CUX2: variants seen among roughly 807,000 people sequenced by gnomAD.
The protein encoded by CUX2 is homeobox protein cut-like 2.
Under a neutral mutation model 144.8 loss-of-function variants are expected in CUX2, and 40 were observed. The observed-to-expected ratio is 0.28, with a 90% CI of 0.21 to 0.36. CUX2 has a LOEUF of 0.36. CUX2 is among the 10% of genes least tolerant of loss of function. CUX2 has a pLI of 1.00. For synonymous variants in CUX2, 827 were observed against 875.6 expected, an observed-to-expected ratio of 0.94 and a Z score of 0.98; for missense variants, 1,615 against 1,994.0, an observed-to-expected ratio of 0.81 and a Z score of 3.62.
At chr12:111,187,334 A>C (rs1879608974) in intron 1 of CUX2, among the ~76,000 whole-genome samples, 2 of 151,148 alleles carry the variant, frequency 1.3e-5, no homozygotes, top group African/African-American at 4.9e-5. Flanking sequence ...CTCATAACGG[A>C]CTCTTGCCCA....
intron 1 of CUX2, among the ~76,000 whole-genome samples, chr12:111,099,184 G>A (rs770707621): frequency 6.6e-6 from 1 of 152,230 alleles, no homozygotes; most frequent in Non-Finnish European, 1.5e-5. Flanking sequence ...CCTGAAGGGC[G>A]ACCAGGTCCT....
intron 1 of CUX2, among the ~76,000 whole-genome samples, chr12:111,060,773 G>T (rs1471797284): frequency 1.3e-5 from 2 of 152,224 alleles, no homozygotes; most frequent in Non-Finnish European, 2.9e-5. Flanking sequence ...CAGCCTCTGG[G>T]AAGTGAGGAC....
rs1447819315 is a variant in CUX2 at position 111,310,457 on chromosome 12, G to A, written c.1675G>A (p.Ala559Thr). The A allele has an allele frequency of 5.6e-6, 9 of 1,613,388 alleles. No individual in the cohort carries two copies. Among genetic ancestry groups the A allele is most frequent in the Non-Finnish European group, 5.9e-6 (7 of 1,179,990 alleles). Reference sequence around the variant, plus strand: ...GGAGCAGCTGGACACGGCAGAGATCGCCTTCCAGGTGAAGGAGCAGCTGCT... The same window carrying A: ...GGAGCAGCTGGACACGGCAGAGATCACCTTCCAGGTGAAGGAGCAGCTGCT... ...EEEQLDTAEI[A>T]FQVKEQLLKH... The change falls in exon 15 of 22, where the codon GCC becomes ACC. Residue 559 changes from alanine (A) to threonine (T), a missense_variant. By Grantham distance (58) the Ala-to-Thr change is moderately conservative. This residue lies in a region of CUX2 where 71 missense variants were observed against 142.3 expected (regional missense o/e 0.50). Transcript: ENST00000261726. This position sits in a 1 kb window ranked among gnomAD's most constrained non-coding sequence, Gnocchi z 7.9.
chr12:111,147,991 C>A (rs2136132099), intron 1 of CUX2, among the ~76,000 whole-genome samples: 1 of 152,272 alleles, frequency 6.6e-6, no homozygotes, highest in African/African-American at 2.4e-5. Context: ...ATGACAATTT[C>A]TTAAAAACTT....
chr12:111,290,761 G>A (rs1885629625), intron 4 of CUX2, among the ~76,000 whole-genome samples: 1 of 151,804 alleles, frequency 6.6e-6, no homozygotes, highest in South Asian at 2.1e-4. Context: ...ATGAGATCTT[G>A]CCATGCTGCA....
At chr12:111,324,543 C>G (rs959506342) in intron 18 of CUX2, among the ~76,000 whole-genome samples, 1 of 151,716 alleles carries the variant, frequency 6.6e-6, no homozygotes, top group Non-Finnish European at 1.5e-5. Context: ...CTCTGTTGCC[C>G]AGGCTGGAGT....
At chr12:111,087,487 A>G (rs1189939451) in intron 1 of CUX2, among the ~76,000 whole-genome samples, 2 of 152,144 alleles carry the variant, frequency 1.3e-5, no homozygotes, top group East Asian at 1.9e-4. Flanking sequence ...TGCATGTTTT[A>G]CTAGCAGGTA....
At chr12:111,309,331 C>A (rs898285466) in intron 14 of CUX2, among the ~76,000 whole-genome samples, 1 of 152,178 alleles carries the variant, frequency 6.6e-6, no homozygotes, top group Admixed American at 6.5e-5. Flanking sequence ...TGAGTCAGCT[C>A]CAGGGTGGGT....
intron 1 of CUX2, among the ~76,000 whole-genome samples, chr12:111,133,381 T>C (rs112488276): frequency 0.095 from 14,453 of 152,192 alleles, 2,365 homozygotes; most frequent in African/African-American, 0.33. Flanking sequence ...TACAGTTCCA[T>C]ATGGCTGAGG....
chr12:111,173,359 CA>C (rs1222415716), intron 1 of CUX2, among the ~76,000 whole-genome samples: 1 of 152,232 alleles, frequency 6.6e-6, no homozygotes, highest in East Asian at 1.9e-4. Context: ...AATAGGATGC[CA>C]GGGGGCACTT....
chr12:111,276,237 T>C (rs1884867055), intron 4 of CUX2, among the ~76,000 whole-genome samples: 1 of 151,998 alleles, frequency 6.6e-6, no homozygotes, highest in Non-Finnish European at 1.5e-5. Flanking sequence ...CCTGTAGTCC[T>C]AGCTACTTGG....
rs1869333058 is a variant in CUX2, at chr12:111,034,728, G to A, written c.63+488G>A. 6.6e-6 allele frequency among the ~76,000 whole-genome samples: 1 copy of A among 150,490 alleles called. No individual in the cohort carries two copies. Among genetic ancestry groups the A allele is most frequent in the Non-Finnish European group, 1.5e-5 (1 of 67,272 alleles). Reference sequence around the variant, plus strand: ...TGGCGGGCAGGGAGGAGGAGGAGGAGAGGAGGAGGAGGAGGAGAGAGGAGG... The same window carrying A: ...TGGCGGGCAGGGAGGAGGAGGAGGAAAGGAGGAGGAGGAGGAGAGAGGAGG... On this transcript the variant is annotated intron_variant, in intron 1 of 21. Coordinates refer to ENST00000261726, the MANE Select transcript of CUX2 (RefSeq NM_015267.4). The surrounding 1 kb of genome is among the most constrained non-coding windows in gnomAD (Gnocchi z 4.2).
intron 1 of CUX2, among the ~76,000 whole-genome samples, chr12:111,193,571 T>C (rs895331498): frequency 1.3e-5 from 2 of 152,216 alleles, no homozygotes; most frequent in Non-Finnish European, 2.9e-5. Context: ...GCTATTGTAA[T>C]TGTAACGCCG....
At chr12:111,145,915 C>T (rs1326449348) in intron 1 of CUX2, among the ~76,000 whole-genome samples, 1 of 151,884 alleles carries the variant, frequency 6.6e-6, no homozygotes, top group Non-Finnish European at 1.5e-5. Flanking sequence ...CCATATTGGC[C>T]AGGCTGGTCT....
rs750211596 is a variant in CUX2 at position 111,061,991 on chromosome 12, T to C, written c.63+27751T>C. On this transcript the variant is annotated intron_variant, in intron 1 of 21. Transcript: ENST00000261726. This position sits in a 1 kb window ranked among gnomAD's most constrained non-coding sequence, Gnocchi z 4.2. Reference sequence around the variant, plus strand: ...GAAATAGGTCGCCTCGCAGCCTCACTCACAGGGAGTGTCGGCAGGGTTAGA... The same window carrying C: ...GAAATAGGTCGCCTCGCAGCCTCACCCACAGGGAGTGTCGGCAGGGTTAGA... Among the ~76,000 whole-genome samples, 4 of 152,192 alleles carry C rather than the reference T, an allele frequency of 2.6e-5. No individual in the cohort carries two copies. Among genetic ancestry groups the C allele is most frequent in the Non-Finnish European group, 5.9e-5 (4 of 68,018 alleles).
intron 1 of CUX2, among the ~76,000 whole-genome samples, chr12:111,170,012 C>T (rs747633620): frequency 3.9e-5 from 6 of 152,126 alleles, no homozygotes; most frequent in Non-Finnish European, 8.8e-5. Flanking sequence ...CTGGATGCCC[C>T]ATGCAAGGTA....
intron 1 of CUX2, among the ~76,000 whole-genome samples, chr12:111,065,403 G>C (rs1870977647): frequency 6.6e-6 from 1 of 152,162 alleles, no homozygotes; most frequent in African/African-American, 2.4e-5. Flanking sequence ...GCACGATCTC[G>C]GCTCACTGCA....
intron 4 of CUX2, among the ~76,000 whole-genome samples, chr12:111,279,249 G>A (rs888108125): frequency 1.3e-5 from 2 of 152,192 alleles, no homozygotes; most frequent in African/African-American, 4.8e-5. Flanking sequence ...AATGAAATGG[G>A]TATAGCAGGA....
At chr12:111,185,273 G>A (rs1412404850) in intron 1 of CUX2, among the ~76,000 whole-genome samples, 2 of 152,202 alleles carry the variant, frequency 1.3e-5, no homozygotes, top group East Asian at 3.8e-4. Flanking sequence ...TCATACTTTA[G>A]CAGTGTCAAA....
Sources: gnomAD v4.1 joint callset for allele counts (sites outside exome capture counted in the v4.1 genomes callset) on GRCh38, gnomAD v4.1.1 for gene constraint, gnomAD v4.1.1 regional missense constraint, Gnocchi (gnomAD v3.1) non-coding constraint, MANE v1.5 for transcripts, NCBI Gene and HGNC (gene_info 2026-07-23, HGNC 2026-07-21) for gene names.